TANGO6: variants seen among roughly 807,000 people sequenced by gnomAD.
TANGO6 encodes transport and Golgi organization protein 6 homolog.
TANGO6 carries 90 observed loss-of-function variants against 114.2 expected under a neutral mutation model. That is an observed-to-expected ratio of 0.79 (90% CI 0.66 to 0.94). TANGO6 has a LOEUF of 0.94. Among genes scored for constraint, TANGO6 ranks in the 40% least tolerant of loss-of-function variants. The pLI, the probability that TANGO6 is intolerant of heterozygous loss-of-function variation, is 0.00. For synonymous variants in TANGO6, 477 were observed against 509.8 expected, an observed-to-expected ratio of 0.94 and a Z score of 0.87; for missense variants, 1,274 against 1,315.3, an observed-to-expected ratio of 0.97 and a Z score of 0.49.
chr16:68,969,987 G>A (rs1274440636), intron 14 of TANGO6, among the ~76,000 whole-genome samples: 1 of 152,136 alleles, frequency 6.6e-6, no homozygotes, highest in Non-Finnish European at 1.5e-5. Flanking sequence ...TCTTCAATGG[G>A]TGGTGGGGAG....
At chr16:69,056,245 G>A (rs1234308816) in intron 17 of TANGO6, among the ~76,000 whole-genome samples, 3 of 151,964 alleles carry the variant, frequency 2.0e-5, no homozygotes, top group African/African-American at 7.3e-5. Flanking sequence ...AATTTGGTTT[G>A]TTTTCCTCTT....
chr16:69,019,126 A>G (rs559123763), intron 15 of TANGO6, among the ~76,000 whole-genome samples: 3 of 152,308 alleles, frequency 2.0e-5, no homozygotes, highest in African/African-American at 7.2e-5. Flanking sequence ...TGGGTATACC[A>G]TGGTTATTTA....
intron 15 of TANGO6, among the ~76,000 whole-genome samples, chr16:69,003,256 C>T (rs927500936): frequency 2.0e-5 from 3 of 152,192 alleles, no homozygotes; most frequent in Middle Eastern, 3.4e-3. Context: ...AGAATCACAC[C>T]TAAGGTAGCT....
rs147018063 is a variant in TANGO6, at chr16:69,027,867, G to A, written c.2994+4888G>A. Among the ~76,000 whole-genome samples, 7 of 150,864 alleles carry A rather than the reference G, an allele frequency of 4.6e-5. No homozygotes were observed. The East Asian group carries it at 7.8e-4, about 17-fold the overall frequency. On this transcript the variant is annotated intron_variant, in intron 16 of 17. Coordinates refer to ENST00000261778, the MANE Select transcript of TANGO6 (RefSeq NM_024562.2). ...GTGATCTCGGATCACTGCAACCTCC[G>A]CCTCCCAGGTTCGAGCAATTCTCCT...
intron 7 of TANGO6, among the ~76,000 whole-genome samples, chr16:68,889,195 A>G (rs1208714221): frequency 1.3e-5 from 2 of 152,192 alleles, no homozygotes; most frequent in South Asian, 2.1e-4. Flanking sequence ...GAGTTCCCAT[A>G]TATCTATCTC....
intron 16 of TANGO6, among the ~76,000 whole-genome samples, chr16:69,031,291 A>G (rs772353769): frequency 1.3e-5 from 2 of 151,954 alleles, no homozygotes; most frequent in African/African-American, 2.4e-5. Flanking sequence ...CATACCCCCA[A>G]TACCTATCAC....
At chr16:68,993,591 G>GATCT (rs1232595904) in intron 15 of TANGO6, among the ~76,000 whole-genome samples, 1 of 152,160 alleles carries the variant, frequency 6.6e-6, no homozygotes, top group African/African-American at 2.4e-5. Context: ...AGGGATGGAT[G>GATCT]ATCTGTTAAT....
At chr16:69,057,920 C>T (rs72789210) in intron 17 of TANGO6, among the ~76,000 whole-genome samples, 13,340 of 152,150 alleles carry the variant, frequency 0.088, 662 homozygotes, top group South Asian at 0.18. Context: ...ACAGACTACG[C>T]GATTCAGCAA....
At chr16:69,012,581 A>AAAAAAAAAAAAAAAAAAAAAAAG (rs1964153662) in intron 15 of TANGO6, among the ~76,000 whole-genome samples, 1 of 111,994 alleles carries the variant, frequency 8.9e-6, no homozygotes, top group Non-Finnish European at 1.9e-5. Context: ...AAAAAAAAGG[A>AAAAAAAAAAAAAAAAAAAAAAAG]AAAAAAAAAA....
chr16:69,038,176 C>T (rs1401121707), intron 16 of TANGO6, among the ~76,000 whole-genome samples: 1 of 152,140 alleles, frequency 6.6e-6, no homozygotes, highest in South Asian at 2.1e-4. Context: ...TGTCTGTAAT[C>T]CCAGCACTTT....
intron 14 of TANGO6, among the ~76,000 whole-genome samples, chr16:68,951,898 C>A (rs1182004400): frequency 6.6e-6 from 1 of 152,158 alleles, no homozygotes; most frequent in Non-Finnish European, 1.5e-5. Context: ...AGGCGTGAGC[C>A]ACCACACCTG....
intron 17 of TANGO6, among the ~76,000 whole-genome samples, chr16:69,063,656 A>AAAAAC (rs1322627052): frequency 6.8e-6 from 1 of 147,564 alleles, no homozygotes; most frequent in African/African-American, 2.4e-5. Flanking sequence ...AAAAAAAAAA[A>AAAAAC]AAAAAAAAAA....
intron 1 of TANGO6, among the ~76,000 whole-genome samples, chr16:68,859,000 A>G (rs560760747): frequency 2.0e-5 from 3 of 152,274 alleles, no homozygotes; most frequent in South Asian, 4.1e-4. Context: ...TCTTAATGCC[A>G]TTGTAGTCAG....
intron 15 of TANGO6, among the ~76,000 whole-genome samples, chr16:68,989,197 T>C (rs1322239053): frequency 6.6e-6 from 1 of 152,138 alleles, no homozygotes; most frequent in Non-Finnish European, 1.5e-5. Context: ...GCTTAATAGC[T>C]CTACTTCTGT....
intron 1 of TANGO6, 74 bp downstream of exon 1, chr16:68,843,785 C>T: frequency 6.7e-7 from 1 of 1,482,048 alleles, no homozygotes; most frequent in South Asian, 1.2e-5. Context: ...GCTGCCCTGC[C>T]TTCCGCAGCG....
chr16:68,943,507 G>A (rs1963378691), intron 14 of TANGO6, among the ~76,000 whole-genome samples: 1 of 151,890 alleles, frequency 6.6e-6, no homozygotes, highest in Non-Finnish European at 1.5e-5. Flanking sequence ...GGGACTACAG[G>A]TGCCTGCCAC....
chr16:68,945,463 G>C (rs776803627), intron 14 of TANGO6, among the ~76,000 whole-genome samples: 5 of 152,102 alleles, frequency 3.3e-5, no homozygotes, highest in Non-Finnish European at 7.3e-5. Flanking sequence ...AATATTATGT[G>C]CACTGCGTGC....
At chr16:68,980,969 G>A (rs148478426) in intron 15 of TANGO6, among the ~76,000 whole-genome samples, 3,175 of 151,894 alleles carry the variant, frequency 0.021, 118 homozygotes, top group African/African-American at 0.073. Context: ...ACTACAGCCT[G>A]GTCAACAGAG....
At chr16:68,889,201 A>G (rs1962579366) in intron 7 of TANGO6, among the ~76,000 whole-genome samples, 2 of 152,198 alleles carry the variant, frequency 1.3e-5, no homozygotes, top group South Asian at 4.1e-4. Flanking sequence ...CCATATATCT[A>G]TCTCCAGACA....
Sources: gnomAD v4.1 joint callset for allele counts (sites outside exome capture counted in the v4.1 genomes callset) on GRCh38, gnomAD v4.1.1 for gene constraint, MANE v1.5 for transcripts, NCBI Gene and HGNC (gene_info 2026-07-23, HGNC 2026-07-21) for gene names.